Variants in GALNT13 observed in about 807,000 individuals in gnomAD.
The protein encoded by GALNT13 is polypeptide N-acetylgalactosaminyltransferase 13, also known as UDP-GalNAc:polypeptide N-acetylgalactosaminyltransferase 13.
A neutral mutation model predicts 64.2 loss-of-function variants in GALNT13; 28 were observed. The observed-to-expected ratio is 0.44, with a 90% CI of 0.32 to 0.60. The LOEUF (loss-of-function observed/expected upper bound fraction) is 0.60, where lower values mean the gene tolerates loss of function less well. Among genes scored for constraint, GALNT13 ranks in the 20% least tolerant of loss-of-function variants. GALNT13 has a pLI of 0.05. For synonymous variants in GALNT13, 214 were observed against 224.6 expected, an observed-to-expected ratio of 0.95 and a Z score of 0.42; for missense variants, 577 against 669.8, an observed-to-expected ratio of 0.86 and a Z score of 1.53.
At chr2:153,420,912 A>C in the GALNT13 span, 2 of 205,960 alleles carry the variant, frequency 9.7e-6, no homozygotes, top group South Asian at 1.5e-4. Flanking sequence ...TATGTTGGCC[A>C]GATTTCCAGC....
the GALNT13 span, among the ~76,000 whole-genome samples, chr2:153,589,795 GC>G: frequency 6.6e-6 from 1 of 152,084 alleles, no homozygotes; most frequent in Admixed American, 6.6e-5. Flanking sequence ...GGAAAGATTT[GC>G]CCCCATGATT....
At chr2:153,787,837 G>C in the GALNT13 span, among the ~76,000 whole-genome samples, 2 of 152,088 alleles carry the variant, frequency 1.3e-5, no homozygotes, top group African/African-American at 4.8e-5. Context: ...AGCTGAGGAG[G>C]AATCTCAGAA....
the GALNT13 span, among the ~76,000 whole-genome samples, chr2:153,603,371 A>G: frequency 6.6e-6 from 1 of 151,968 alleles, no homozygotes; most frequent in Admixed American, 6.6e-5. Flanking sequence ...CAGAACTTCC[A>G]TATGCAAGCA....
At chr2:153,510,647 C>T in the GALNT13 span, among the ~76,000 whole-genome samples, 1 of 152,108 alleles carries the variant, frequency 6.6e-6, no homozygotes, top group South Asian at 2.1e-4. Context: ...AGCGATTCTG[C>T]TTTAATTAGT....
chr2:153,542,989 A>G, the GALNT13 span, among the ~76,000 whole-genome samples: 2 of 152,254 alleles, frequency 1.3e-5, no homozygotes, highest in Non-Finnish European at 2.9e-5. Flanking sequence ...TATTATAAAT[A>G]GAAATTTTAA....
chr2:154,315,949 G>C (rs542457832), intron 9 of GALNT13, among the ~76,000 whole-genome samples: 1 of 152,200 alleles, frequency 6.6e-6, no homozygotes, highest in Admixed American at 6.5e-5. Flanking sequence ...TTAGCTGGGC[G>C]TGGTGGCACA....
At chr2:154,357,576 C>T (rs769872088) in intron 9 of GALNT13, among the ~76,000 whole-genome samples, 57 of 152,012 alleles carry the variant, frequency 3.7e-4, no homozygotes, top group African/African-American at 1.1e-3. Flanking sequence ...TGGATGACAA[C>T]GGCGAAAATA....
rs370015482 is a variant in GALNT13 at position 154,030,915 on chromosome 2, CAGTT to C, written c.142+86281_142+86284del. Among the ~76,000 whole-genome samples, 811 of 152,160 alleles carry C rather than the reference CAGTT, an allele frequency of 5.3e-3. 4 individuals carry two copies. Among genetic ancestry groups the C allele is most frequent in the African/African-American group, 0.018 (744 of 41,536 alleles). ...CTTTTCTTCATAAATTACCCAGTCT[CAGTT>C]AGTTCTTTACAGCAGTGTGAAAACA... On this transcript the variant is annotated intron_variant, in intron 3 of 12. Coordinates refer to ENST00000392825, the MANE Select transcript of GALNT13 (RefSeq NM_052917.4).
chr2:154,062,507 G>T (rs1480785591), intron 3 of GALNT13, among the ~76,000 whole-genome samples: 1 of 152,130 alleles, frequency 6.6e-6, no homozygotes, highest in Non-Finnish European at 1.5e-5. Flanking sequence ...TGGCTGGGAG[G>T]CCTCTAGAAA....
the GALNT13 span, among the ~76,000 whole-genome samples, chr2:153,253,044 T>C: frequency 6.6e-6 from 1 of 151,830 alleles, no homozygotes; most frequent in African/African-American, 2.4e-5. Context: ...GCATTGAATC[T>C]GTAAATTACC....
the GALNT13 span, among the ~76,000 whole-genome samples, chr2:153,794,752 A>G: frequency 6.6e-6 from 1 of 152,060 alleles, no homozygotes; most frequent in Admixed American, 6.6e-5. Context: ...AACTCCTGAC[A>G]TCGTGATCCA....
chr2:154,091,585 A>G (rs970234096), intron 3 of GALNT13, among the ~76,000 whole-genome samples: 1 of 151,884 alleles, frequency 6.6e-6, no homozygotes, highest in Non-Finnish European at 1.5e-5. Context: ...TCTTAAATGT[A>G]TGCCTTTGTT....
chr2:154,048,161 G>T, intron 3 of GALNT13, among the ~76,000 whole-genome samples: 1 of 152,094 alleles, frequency 6.6e-6, no homozygotes, highest in Non-Finnish European at 1.5e-5. Flanking sequence ...TTGGAGAGTT[G>T]CTACACAATT....
chr2:153,794,414 A>C, the GALNT13 span, among the ~76,000 whole-genome samples: 16 of 152,196 alleles, frequency 1.1e-4, no homozygotes, highest in Non-Finnish European at 2.1e-4. Flanking sequence ...CCATAAAAGA[A>C]AATTTCATAC....
At chr2:154,349,447 A>C (rs562619720) in intron 9 of GALNT13, among the ~76,000 whole-genome samples, 1 of 152,352 alleles carries the variant, frequency 6.6e-6, no homozygotes, top group Non-Finnish European at 1.5e-5. Flanking sequence ...AACAAGCTAT[A>C]AGTCTTGAAT....
chr2:153,164,256 C>A, the GALNT13 span, among the ~76,000 whole-genome samples: 3 of 151,982 alleles, frequency 2.0e-5, no homozygotes, highest in Admixed American at 6.5e-5. Flanking sequence ...CAGAGATAAC[C>A]ACTACCAATA....
chr2:153,921,962 A>G (rs1268778899), intron 2 of GALNT13, among the ~76,000 whole-genome samples: 1 of 152,192 alleles, frequency 6.6e-6, no homozygotes, highest in Non-Finnish European at 1.5e-5. Context: ...ATACGTTAAA[A>G]TACATCTATA....
At chr2:153,746,476 T>A in the GALNT13 span, among the ~76,000 whole-genome samples, 1 of 152,242 alleles carries the variant, frequency 6.6e-6, no homozygotes, top group Non-Finnish European at 1.5e-5. Flanking sequence ...TAAAGAGATT[T>A]ATAGTTCATT....
At chr2:153,483,337 C>A in the GALNT13 span, among the ~76,000 whole-genome samples, 1 of 145,270 alleles carries the variant, frequency 6.9e-6, no homozygotes, top group Non-Finnish European at 1.5e-5. Context: ...CGTCCATCAA[C>A]AAATGAAGTG....
Sources: allele counts gnomAD v4.1 joint callset (sites outside exome capture counted in the v4.1 genomes callset), GRCh38; gene constraint gnomAD v4.1.1; transcripts MANE v1.5; gene names NCBI Gene and HGNC (gene_info 2026-07-23, HGNC 2026-07-21).